The following SELENOS variants were observed in gnomAD, a reference collection of about 807,000 sequenced individuals.
SELENOS encodes the protein VCP interacting membrane selenoprotein.
In SELENOS, 37 loss-of-function variants were observed where a neutral mutation model predicts 30.2. That is an observed-to-expected ratio of 1.23 (90% confidence interval 0.94 to 1.61). The LOEUF is 1.61. SELENOS is among the 40% of genes most tolerant of loss of function. The pLI, the probability that SELENOS is intolerant of heterozygous loss-of-function variation, is 0.00. For synonymous variants in SELENOS, 119 were observed against 91.6 expected (o/e 1.30, Z -1.71); for missense variants, 289 against 231.8 (o/e 1.25, Z -1.60).
chr15:101,271,064 C>CT (rs1196306558), downstream of SELENOS: 1 of 152,148 alleles, frequency 6.6e-6, no homozygotes, highest in South Asian at 2.1e-4. Context: ...ATAACAAACT[C>CT]TTGTGTTGAG....
intron 3 of SELENOS, 160 bp from the exon 4 acceptor site, chr15:101,274,841 T>A: frequency 6.5e-6 from 5 of 771,326 alleles, no homozygotes; most frequent in Non-Finnish European, 1.0e-5. Flanking sequence ...AGTGTGAGTT[T>A]AACTCACATA....
intron 3 of SELENOS, 94 bp downstream of exon 3, chr15:101,275,161 C>G: frequency 9.0e-7 from 1 of 1,108,502 alleles, no homozygotes; most frequent in Non-Finnish European, 1.3e-6. Flanking sequence ...GGACCTGGTC[C>G]TAGAAGCTTA....
intron 1 of SELENOS, chr15:101,276,962 G>A (rs1199331829): frequency 1.9e-6 from 1 of 525,052 alleles, no homozygotes; most frequent in East Asian, 3.5e-5. Context: ...ATCTGAATCA[G>A]GAAGGCAAAG....
intron 5 of SELENOS, among the ~76,000 whole-genome samples, chr15:101,273,613 G>A (rs115491441): frequency 0.014 from 2,151 of 152,154 alleles, 48 homozygotes; most frequent in African/African-American, 0.049. Flanking sequence ...ATAAGCTTCC[G>A]GCAGGACCAT....
chr15:101,277,391 G>A lies in SELENOS; in HGVS notation c.27C>T (p.Ser9=), dbSNP rs999429602. Reference sequence around the variant, plus strand: ...CCTCGGTCTCCAGGGCCGGCCGCGCGGACAGAGACTCCTCTTGGCGTTCCA... The same window carrying A: ...CCTCGGTCTCCAGGGCCGGCCGCGCAGACAGAGACTCCTCTTGGCGTTCCA... MERQEESL[S]ARPALETEGL... is the part of the protein sequence containing the mutation. The change falls in exon 1 of 6, where the codon TCC becomes TCT. Residue 9 remains serine, a synonymous_variant. Coordinates refer to ENST00000526049, the MANE Select transcript of SELENOS (RefSeq NM_018445.6). 4.0e-6 allele frequency: 6 copies of A among 1,503,302 alleles called. No individual in the cohort carries two copies. The highest frequency in any genetic ancestry group is 2.8e-5 in the East Asian group (1 of 36,252). 93.1% of individuals were successfully genotyped at this position (1,503,302 alleles called of 1,614,324 possible).
Position 101,272,229 on chromosome 15 carries a change from A to C in SELENOS, c.*542T>G, listed in dbSNP as rs2141295508. 6.6e-6 allele frequency: 1 copy of C among 152,382 alleles called. No individual in the cohort carries two copies. Among genetic ancestry groups the C allele is most frequent in the East Asian group, 1.9e-4 (1 of 5,194 alleles). The allele number at this position is 152,382 out of a possible 1,614,324, so 9.4% of individuals were successfully genotyped here. On this transcript the variant is annotated 3_prime_UTR_variant, in exon 6 of 6. Transcript: ENST00000526049. ...AAAGCTATTTAATGTTTGATAGACAAATTGAAGTCCATAAATCTCCTTGAA... is the reference window on the plus strand; with the variant it reads ...AAAGCTATTTAATGTTTGATAGACACATTGAAGTCCATAAATCTCCTTGAA...
At chr15:101,277,189 G>GGCCTGCTGCCCAAGGTCCGC in intron 1 of SELENOS, 153 bp downstream of exon 1, 1 of 1,302,254 alleles carries the variant, frequency 7.7e-7, no homozygotes. Context: ...GCAAGGTCCG[G>GGCCTGCTGCCCAAGGTCCGC]GCCTGCTGCC....
In SELENOS at chr15:101,272,637, A is replaced by C; in HGVS notation, c.*134T>G. 1.2e-6 allele frequency: 1 copy of C among 850,474 alleles called. No homozygotes were observed. Among genetic ancestry groups the C allele is most frequent in the Non-Finnish European group, 1.9e-6 (1 of 531,828 alleles). 52.7% of individuals were successfully genotyped at this position (850,474 alleles called of 1,614,324 possible). A position where few individuals can be genotyped will look rare whatever the true frequency, so the allele number is the denominator to read the frequency against. On this transcript the variant is annotated 3_prime_UTR_variant, in exon 6 of 6. Transcript: ENST00000526049. ...CTTTTGCTGACTGGAGCCCTGACAT[A>C]TGCAGGTGTAGTTAGGAACAGAAAT...
In SELENOS at chr15:101,277,419, ACCGCCG is replaced by A. The variant is rs566724578; in HGVS notation, c.-8_-3del. On this transcript the variant is annotated 5_prime_UTR_variant, in exon 1 of 6. Transcript: ENST00000526049. ...CAGAGACTCCTCTTGGCGTTCCATGACCGCCGCCGCCGCCGCCGCCCAGCCCTGCCG... is the reference window on the plus strand; with the variant it reads ...CAGAGACTCCTCTTGGCGTTCCATGACCGCCGCCGCCGCCCAGCCCTGCCG... The A allele has an allele frequency of 9.5e-6, 14 of 1,470,318 alleles. No homozygotes were observed. The highest frequency in any genetic ancestry group is 1.9e-4 in the Middle Eastern group (1 of 5,220). 91.1% of individuals were successfully genotyped at this position (1,470,318 alleles called of 1,614,324 possible). A position where few individuals can be genotyped will look rare whatever the true frequency, so the allele number is the denominator to read the frequency against.
At chr15:101,275,619 C>T (rs1244321205) in intron 2 of SELENOS, among the ~76,000 whole-genome samples, 2 of 152,118 alleles carry the variant, frequency 1.3e-5, no homozygotes, top group African/African-American at 4.8e-5. Flanking sequence ...TCTGAGTTCC[C>T]CTGAGCAATT....
Position 101,276,576 on chromosome 15 carries a change from C to T in SELENOS, c.176G>A (p.Arg59Lys), listed in dbSNP as rs138973521. 5.6e-6 allele frequency: 9 copies of T among 1,613,566 alleles called. No homozygotes were observed. Among genetic ancestry groups the T allele is most frequent in the African/African-American group, 1.3e-5 (1 of 74,968 alleles). The change falls in exon 2 of 6, where the codon AGG (arginine) becomes AAG (lysine). Residue 59 changes from arginine (R) to lysine (K), a missense_variant. Physicochemically the swap from Arg to Lys is conservative, Grantham distance 26 (BLOSUM62 2). Coordinates refer to ENST00000526049, the MANE Select transcript of SELENOS (RefSeq NM_018445.6). ...QKLSARLRALRQRQLDRAAAA... is the reference protein window; with the variant it reads ...QKLSARLRALKQRQLDRAAAA... ...CGCAGCTCGGTCCAGCTGCCTCTGC[C>T]TCAAGGCTCTTAGCCGGGCGGAAAG...
In SELENOS at chr15:101,274,410, TGGTGCTTACCTCCTCCCCGCAAA is replaced by T; in HGVS notation, c.471_484+9del. On this transcript the variant is annotated splice_donor_variant and splice_donor_5th_base_variant and coding_sequence_variant and intron_variant, in exon 5 of 6. Coordinates refer to ENST00000526049, the MANE Select transcript of SELENOS (RefSeq NM_018445.6). LOFTEE classifies it high-confidence loss of function. ...AAAATCTGTTAACATTTGACATCAG[TGGTGCTTACCTCCTCCCCGCAAA>T]GGCTTTCTGTCCGATTTCCGTTTCA... 1 of 1,603,236 alleles carries T rather than the reference TGGTGCTTACCTCCTCCCCGCAAA, an allele frequency of 6.2e-7. No individual in the cohort carries two copies. The highest frequency in any genetic ancestry group is 8.5e-7 in the Non-Finnish European group (1 of 1,174,276).
chr15:101,277,088 C>T (rs1331268047), intron 1 of SELENOS: 1 of 700,318 alleles, frequency 1.4e-6, no homozygotes, highest in Non-Finnish European at 2.5e-6. Context: ...CCAGTAACTA[C>T]CACAGGAAGG....
Position 101,275,350 on chromosome 15 carries a change from C to A in SELENOS, c.223G>T (p.Val75Phe), listed in dbSNP as rs1371721068. The A allele has an allele frequency of 6.4e-7, 1 of 1,572,346 alleles. No individual in the cohort carries two copies. The highest frequency in any genetic ancestry group is 1.3e-5 in the African/African-American group (1 of 74,140). ...RAAAAVEPDV[V>F]VKRQEALAAA... is the part of the protein sequence containing the mutation. ...GCTAAAGCTTCTTGTCGTTTAACAA[C>A]AACATCAGGTTCTAAAATGTCAGAA... Residue 75 changes from valine (V) to phenylalanine (F), a missense_variant, in exon 3 of 6, where the codon GTT becomes TTT. By Grantham distance (50) the Val-to-Phe change is conservative. Coordinates refer to ENST00000526049, the MANE Select transcript of SELENOS (RefSeq NM_018445.6).
In SELENOS at chr15:101,277,439, C is replaced by T; in HGVS notation, c.-22G>A. 3 of 1,441,352 alleles carry T rather than the reference C, an allele frequency of 2.1e-6. No individual in the cohort carries two copies. Among genetic ancestry groups the T allele is most frequent in the South Asian group, 1.4e-5 (1 of 71,882 alleles). 89.3% of individuals were successfully genotyped at this position (1,441,352 alleles called of 1,614,324 possible). A position where few individuals can be genotyped will look rare whatever the true frequency, so the allele number is the denominator to read the frequency against. ...CCATGACCGCCGCCGCCGCCGCCGC[C>T]CAGCCCTGCCGCCGCGCCTCCAGCC... On this transcript the variant is annotated 5_prime_UTR_variant, in exon 1 of 6. Coordinates refer to ENST00000526049, the MANE Select transcript of SELENOS (RefSeq NM_018445.6).
Position 101,272,651 on chromosome 15 carries a change from AG to A in SELENOS, c.*119del. 9.9e-7 allele frequency: 1 copy of A among 1,009,634 alleles called. No homozygotes were observed. The highest frequency in any genetic ancestry group is 1.5e-6 in the Non-Finnish European group (1 of 667,992). The allele number at this position is 1,009,634 out of a possible 1,614,324, so 62.5% of individuals were successfully genotyped here. On this transcript the variant is annotated 3_prime_UTR_variant, in exon 6 of 6. Transcript: ENST00000526049. ...AGCCCTGACATATGCAGGTGTAGTT[AG>A]GAACAGAAATCAACCCCACCTCCCC...
intron 1 of SELENOS, chr15:101,276,940 G>A: frequency 1.9e-6 from 1 of 528,286 alleles, no homozygotes; most frequent in Non-Finnish European, 3.4e-6. Flanking sequence ...TTTGAAGAAT[G>A]AAGAGCAACT....
chr15:101,276,752 A>C, intron 1 of SELENOS, 77 bp from the exon 2 acceptor site: 3 of 1,521,556 alleles, frequency 2.0e-6, no homozygotes, highest in Non-Finnish European at 2.7e-6. Flanking sequence ...AACAAACACA[A>C]AGTGTAACTC....
chr15:101,271,913 A>T (rs1306305237), downstream of SELENOS, among the ~76,000 whole-genome samples: 4 of 152,246 alleles, frequency 2.6e-5, no homozygotes, highest in Non-Finnish European at 5.9e-5. Flanking sequence ...TTGGCTCTTT[A>T]TCCAAAACTG....
Sources: allele counts gnomAD v4.1 joint callset (sites outside exome capture counted in the v4.1 genomes callset), GRCh38; gene constraint gnomAD v4.1.1; transcripts MANE v1.5; gene names NCBI Gene and HGNC (gene_info 2026-07-23, HGNC 2026-07-21).